Variants in ZMYND19 observed in about 807,000 individuals in gnomAD.
ZMYND19 encodes zinc finger MYND-type containing 19, also known as zinc finger MYND domain-containing protein 19.
In ZMYND19, 17 loss-of-function variants were observed where a neutral mutation model predicts 32.0. The observed-to-expected ratio is 0.53, with a 90% CI of 0.36 to 0.80. The LOEUF is 0.80. Ranked by LOEUF, ZMYND19 falls within the 30% of genes least tolerant of loss-of-function variation. The pLI, the probability that ZMYND19 is intolerant of heterozygous loss-of-function variation, is 0.00. For missense variants in ZMYND19, 250 were observed against 293.6 expected, an observed-to-expected ratio of 0.85 and a Z score of 1.09; for synonymous variants, 124 against 113.6, an observed-to-expected ratio of 1.09 and a Z score of -0.58.
intron 4 of ZMYND19, among the ~76,000 whole-genome samples, chr9:137,584,354 C>T (rs1323968960): frequency 6.6e-6 from 1 of 152,256 alleles, no homozygotes; most frequent in Non-Finnish European, 1.5e-5. Context: ...TCCTGCCGTG[C>T]CCACAGAGAA....
At position 137,587,826 on chromosome 9, in the gene ZMYND19, G is replaced by T; in HGVS notation, c.112-3C>A. The T allele has an allele frequency of 6.2e-7, 1 of 1,613,770 alleles. No individual in the cohort carries two copies. Among genetic ancestry groups the T allele is most frequent in the Non-Finnish European group, 8.5e-7 (1 of 1,179,686 alleles). ...TCTGCATCCACTTCCATTCGGGCCT[G>T]AGAAGGAACAAGGGAAAGAGCTGTT... On this transcript the variant is annotated splice_region_variant and splice_polypyrimidine_tract_variant and intron_variant, in intron 2 of 5. Coordinates refer to ENST00000298585, the MANE Select transcript of ZMYND19 (RefSeq NM_138462.3).
In ZMYND19 at chr9:137,583,219, A is replaced by G. The variant is rs1218965519; in HGVS notation, c.360-56T>C. ...CTCTGGCCAAACGGGGCCAGCACACAGCAGACGATGCAATGACTCCATAGA... is the reference window on the plus strand; with the variant it reads ...CTCTGGCCAAACGGGGCCAGCACACGGCAGACGATGCAATGACTCCATAGA... On this transcript the variant is annotated intron_variant, in intron 4 of 5. Transcript: ENST00000298585. 2.3e-5 allele frequency: 36 copies of G among 1,580,152 alleles called. 1 individual carries two copies. The highest frequency in any genetic ancestry group is 5.2e-6 in the Non-Finnish European group (6 of 1,160,006).
intron 2 of ZMYND19, among the ~76,000 whole-genome samples, 195 bp from the exon 3 acceptor site, chr9:137,588,018 G>GC (rs1842225607): frequency 6.6e-6 from 1 of 152,164 alleles, no homozygotes; most frequent in Non-Finnish European, 1.5e-5. Context: ...CCACCACTCT[G>GC]TCTATTCGAG....
chr9:137,589,310 G>C, intron 1 of ZMYND19: 1 of 983,748 alleles, frequency 1.0e-6, no homozygotes, highest in Non-Finnish European at 1.2e-6. Context: ...CCCTGCCTAT[G>C]CTCTTGCAGC....
rs148701944 is a variant in ZMYND19, at chr9:137,587,181, GTACCA to G, written c.219-79_219-75del. 3,798 of 1,558,910 alleles carry G rather than the reference GTACCA, an allele frequency of 2.4e-3. 80 individuals carry two copies. The African/African-American group carries it at 0.045, about 18-fold the overall frequency. On this transcript the variant is annotated intron_variant, in intron 3 of 5. Transcript: ENST00000298585. ...CACCCTCACAGACATTTCTGGTCAGGTACCAAAGTCCTTCCAGGAAGAAATGTCAG... is the reference window on the plus strand; with the variant it reads ...CACCCTCACAGACATTTCTGGTCAGGAAGTCCTTCCAGGAAGAAATGTCAG...
In ZMYND19 at chr9:137,582,091, CCTTTA is replaced by C. The variant is rs1436444279; in HGVS notation, c.*447_*451del. 1 of 156,556 alleles carries C rather than the reference CCTTTA, an allele frequency of 6.4e-6. No homozygotes were observed. The highest frequency in any genetic ancestry group is 1.4e-5 in the Non-Finnish European group (1 of 70,868). 9.7% of individuals were successfully genotyped at this position (156,556 alleles called of 1,614,324 possible). A position where few individuals can be genotyped will look rare whatever the true frequency, so the allele number is the denominator to read the frequency against. On this transcript the variant is annotated 3_prime_UTR_variant, in exon 6 of 6. Coordinates refer to ENST00000298585, the MANE Select transcript of ZMYND19 (RefSeq NM_138462.3). ...GTCCGAGAGGCCAGATGATTCCACC[CCTTTA>C]CTTTGCCTTTGTGGACACAACTCCC...
At position 137,590,291 on chromosome 9, in the gene ZMYND19, C is replaced by A; in HGVS notation, c.-28G>T. 9.5e-7 allele frequency: 1 copy of A among 1,056,154 alleles called. No homozygotes were observed. Among genetic ancestry groups the A allele is most frequent in the Non-Finnish European group, 1.1e-6 (1 of 874,444 alleles). 65.4% of individuals were successfully genotyped at this position (1,056,154 alleles called of 1,614,324 possible). ...CCGGGCCTGCGCTCTCGGCCGGCAGCGCCGCTCCCTCGGGAGGCGCCGAGC... is the reference window on the plus strand; with the variant it reads ...CCGGGCCTGCGCTCTCGGCCGGCAGAGCCGCTCCCTCGGGAGGCGCCGAGC... On this transcript the variant is annotated 5_prime_UTR_variant, in exon 1 of 6. Transcript: ENST00000298585. The surrounding 1 kb of genome is among the most constrained non-coding windows in gnomAD (Gnocchi z 4.2).
chr9:137,583,927 C>T (rs1842174591), intron 4 of ZMYND19, among the ~76,000 whole-genome samples: 1 of 152,116 alleles, frequency 6.6e-6, no homozygotes, highest in Non-Finnish European at 1.5e-5. Flanking sequence ...AAGCAATAGC[C>T]CAGGCCTGAC....
chr9:137,587,340 A>C, intron 3 of ZMYND19: 1 of 673,110 alleles, frequency 1.5e-6, no homozygotes, highest in Non-Finnish European at 2.5e-6. Context: ...CGGCCCCTGG[A>C]CTTCAGAGCA....
At chr9:137,586,908 G>A (rs1447550937) in intron 4 of ZMYND19, 59 bp downstream of exon 4, 2 of 1,603,600 alleles carry the variant, frequency 1.2e-6, no homozygotes, top group Non-Finnish European at 1.7e-6. Context: ...AAGAGCTTTG[G>A]CGGTGGCCCT....
Position 137,590,357 on chromosome 9 carries a change from G to T in ZMYND19, c.-94C>A. ...GCCGCGGCGCGCCGGGACAGGACGG[G>T]ACCGGAGCCGGGGTCGGGGTAGCAG... is the stretch of plus-strand genomic sequence containing the variant. On this transcript the variant is annotated 5_prime_UTR_variant, in exon 1 of 6. Coordinates refer to ENST00000298585, the MANE Select transcript of ZMYND19 (RefSeq NM_138462.3). The surrounding 1 kb of genome is among the most constrained non-coding windows in gnomAD (Gnocchi z 4.2). 2.4e-6 allele frequency: 2 copies of T among 836,894 alleles called. No homozygotes were observed. Among genetic ancestry groups the T allele is most frequent in the South Asian group, 5.2e-5 (1 of 19,122 alleles). The allele number at this position is 836,894 out of a possible 1,614,324, so 51.8% of individuals were successfully genotyped here.
chr9:137,589,829 T>A, intron 1 of ZMYND19: 1 of 985,468 alleles, frequency 1.0e-6, no homozygotes, highest in Non-Finnish European at 1.2e-6. Context: ...TTAAACCGTG[T>A]GGCCGCACTG....
chr9:137,585,294 G>A (rs1227082896), intron 4 of ZMYND19, among the ~76,000 whole-genome samples: 1 of 151,866 alleles, frequency 6.6e-6, no homozygotes, highest in Non-Finnish European at 1.5e-5. Context: ...GTGGTGGTGG[G>A]CACCTGTAAC....
At position 137,582,729 on chromosome 9, in the gene ZMYND19, C is replaced by T. The variant is rs374088671; in HGVS notation, c.541-43G>A. On this transcript the variant is annotated intron_variant, in intron 5 of 5. Coordinates refer to ENST00000298585, the MANE Select transcript of ZMYND19 (RefSeq NM_138462.3). The stretch of plus-strand genomic sequence containing the variant: ...TGTGGCTTCACCATCATGCCTGGGA[C>T]GCAGTGTGGGGCAAAGGCTGCGTCT... 2.9e-5 allele frequency: 47 copies of T among 1,601,416 alleles called. No individual in the cohort carries two copies. The East Asian group carries it at 3.4e-4, about 11-fold the overall frequency.
At position 137,589,088 on chromosome 9, in the gene ZMYND19, G is replaced by A. The variant is rs915220323; in HGVS notation, c.52-370C>T. 11 of 221,168 alleles carry A rather than the reference G, an allele frequency of 5.0e-5. No homozygotes were observed. The South Asian group carries it at 6.2e-4, about 12-fold the overall frequency. The allele number at this position is 221,168 out of a possible 1,614,324, so 13.7% of individuals were successfully genotyped here. ...TGAGGGAGGGGCCGGGGCTGAGGCA[G>A]AAGAGCCAGAAGGTTTTGATTAGGG... On this transcript the variant is annotated intron_variant, in intron 1 of 5. Coordinates refer to ENST00000298585, the MANE Select transcript of ZMYND19 (RefSeq NM_138462.3).
chr9:137,587,124 A>C lies in ZMYND19; in HGVS notation c.219-17T>G. 1.9e-6 allele frequency: 3 copies of C among 1,600,952 alleles called. No individual in the cohort carries two copies. Among genetic ancestry groups the C allele is most frequent in the Non-Finnish European group, 2.5e-6 (3 of 1,179,746 alleles). ...TGCCGCTCCCTAGAAACAGACAGCAAACCCTGCATCTAACCCTGCATCGCT... is the reference window on the plus strand; with the variant it reads ...TGCCGCTCCCTAGAAACAGACAGCACACCCTGCATCTAACCCTGCATCGCT... On this transcript the variant is annotated splice_polypyrimidine_tract_variant and intron_variant, in intron 3 of 5. Transcript: ENST00000298585.
chr9:137,588,591 T>G, intron 2 of ZMYND19, 68 bp downstream of exon 2: 1 of 1,564,630 alleles, frequency 6.4e-7, no homozygotes, highest in South Asian at 1.1e-5. Flanking sequence ...GGGAGAGAGC[T>G]CGTTCCTCGT....
chr9:137,589,016 A>G, intron 1 of ZMYND19: 1 of 382,442 alleles, frequency 2.6e-6, no homozygotes, highest in South Asian at 4.0e-5. Flanking sequence ...AGTGGCACTG[A>G]ACATTCAACG....
At chr9:137,588,352 G>A (rs752600559) in intron 2 of ZMYND19, among the ~76,000 whole-genome samples, 2 of 152,242 alleles carry the variant, frequency 1.3e-5, no homozygotes, top group Non-Finnish European at 2.9e-5. Flanking sequence ...CATGGTCCAC[G>A]TGACACAATC....
Sources: gnomAD v4.1 joint callset for allele counts (sites outside exome capture counted in the v4.1 genomes callset) on GRCh38, gnomAD v4.1.1 for gene constraint, Gnocchi (gnomAD v3.1) non-coding constraint, MANE v1.5 for transcripts, NCBI Gene and HGNC (gene_info 2026-07-23, HGNC 2026-07-21) for gene names.